Variants in NIM1K observed in about 807,000 individuals in gnomAD.
NIM1K encodes serine/threonine-protein kinase NIM1.
NIM1K carries 35 observed loss-of-function variants against 37.1 expected under a neutral mutation model. The ratio of observed to expected loss-of-function variants is 0.94; its 90% confidence interval spans 0.72 to 1.25. NIM1K has a LOEUF of 1.25. Among genes scored for constraint, NIM1K ranks in the 50% most tolerant of loss-of-function variants. The pLI, the probability that NIM1K is intolerant of heterozygous loss-of-function variation, is 0.00. For synonymous variants in NIM1K, 234 were observed against 206.6 expected (o/e 1.13, Z -1.14); for missense variants, 564 against 548.0 (o/e 1.03, Z -0.29).
At chr5:43,222,698 T>C (rs1309757016) in intron 1 of NIM1K, among the ~76,000 whole-genome samples, 1 of 151,486 alleles carries the variant, frequency 6.6e-6, no homozygotes, top group East Asian at 1.9e-4. Context: ...CTTGCTACTG[T>C]ACTCCAACCT....
At chr5:43,217,040 CAG>C (rs35186415) in intron 1 of NIM1K, among the ~76,000 whole-genome samples, 6,592 of 152,224 alleles carry the variant, frequency 0.043, 170 homozygotes, top group Middle Eastern at 0.092. Flanking sequence ...TTTACATATT[CAG>C]AGAGTTGTGC....
Position 43,245,808 on chromosome 5 carries a change from G to C in NIM1K, c.33G>C (p.Leu11=), listed in dbSNP as rs769926178. MTAVYMNGGG[L]VNPHYARWDR... is the part of the protein sequence containing the mutation. ...CAGTGTATATGAATGGAGGTGGCCT[G>C]GTGAACCCCCACTATGCCCGGTGGG... The change falls in exon 2 of 4, where the codon CTG becomes CTC. Residue 11 remains leucine (L), a synonymous_variant. Transcript: ENST00000326035. The C allele has an allele frequency of 3.1e-6, 5 of 1,611,170 alleles. No individual in the cohort carries two copies. The highest frequency in any genetic ancestry group is 4.2e-6 in the Non-Finnish European group (5 of 1,178,180).
chr5:43,269,262 A>C (rs1307247250), intron 2 of NIM1K, among the ~76,000 whole-genome samples: 1 of 127,370 alleles, frequency 7.9e-6, no homozygotes, highest in Non-Finnish European at 1.6e-5. Context: ...GTGAGCCAAG[A>C]TTGCGCCTTG....
chr5:43,276,892 A>G (rs1223638970), intron 2 of NIM1K, among the ~76,000 whole-genome samples, 165 bp from the exon 3 acceptor site: 1 of 152,206 alleles, frequency 6.6e-6, no homozygotes, highest in Non-Finnish European at 1.5e-5. Flanking sequence ...AGGGAAGGGC[A>G]CTGATGCTGG....
chr5:43,225,364 G>C (rs187383551), intron 1 of NIM1K: 8 of 148,248 alleles, frequency 5.4e-5, no homozygotes, highest in African/African-American at 2.0e-4. Context: ...ACAATTAAAA[G>C]GACTTGCATT....
intron 1 of NIM1K, among the ~76,000 whole-genome samples, chr5:43,221,876 C>T (rs745928484): frequency 6.6e-6 from 1 of 152,208 alleles, no homozygotes; most frequent in Admixed American, 6.5e-5. Context: ...TAATCTTAAC[C>T]GATACAAGTA....
chr5:43,264,137 C>G (rs1753082295), intron 2 of NIM1K, among the ~76,000 whole-genome samples: 1 of 152,192 alleles, frequency 6.6e-6, no homozygotes, highest in Non-Finnish European at 1.5e-5. Context: ...TCTGTTAGGT[C>G]TGCGTGGTGC....
At chr5:43,269,312 AAAAAAAAG>A (rs1324332909) in intron 2 of NIM1K, among the ~76,000 whole-genome samples, 4 of 147,068 alleles carry the variant, frequency 2.7e-5, no homozygotes, top group African/African-American at 5.2e-5. Flanking sequence ...TCATCTCAAA[AAAAAAAAG>A]AAAAAAAAAA....
intron 1 of NIM1K, among the ~76,000 whole-genome samples, chr5:43,242,584 C>T (rs1752718833): frequency 6.6e-6 from 1 of 151,828 alleles, no homozygotes; most frequent in Non-Finnish European, 1.5e-5. Flanking sequence ...GAGCCCAAAT[C>T]TTAAAAATGT....
chr5:43,207,651 C>T (rs1246648348), intron 1 of NIM1K: 9 of 593,498 alleles, frequency 1.5e-5, no homozygotes, highest in African/African-American at 1.1e-4. Context: ...GTCAATCTGA[C>T]GGAAGCGCTG....
chr5:43,265,862 C>T (rs558627698), intron 2 of NIM1K, among the ~76,000 whole-genome samples: 1 of 152,344 alleles, frequency 6.6e-6, no homozygotes, highest in East Asian at 1.9e-4. Flanking sequence ...CCCTCAGCTG[C>T]AGGTCTGTTG....
At chr5:43,232,077 A>G in intron 1 of NIM1K, 1 of 1,026,148 alleles carries the variant, frequency 9.7e-7, no homozygotes, top group African/African-American at 1.6e-5. Flanking sequence ...GGTCTCCACC[A>G]GTCACCACAG....
chr5:43,264,897 T>A (rs1409631312), intron 2 of NIM1K, among the ~76,000 whole-genome samples: 1 of 152,232 alleles, frequency 6.6e-6, no homozygotes, highest in Non-Finnish European at 1.5e-5. Context: ...TGACTGGCTA[T>A]GGAATTCTGG....
chr5:43,248,915 C>T (rs1046871472), intron 2 of NIM1K, among the ~76,000 whole-genome samples: 2 of 151,676 alleles, frequency 1.3e-5, no homozygotes, highest in African/African-American at 4.8e-5. Context: ...CACCTTGTCA[C>T]CGAGGCTGGA....
At chr5:43,193,592 G>C (rs894322763) in intron 1 of NIM1K, 1 of 151,808 alleles carries the variant, frequency 6.6e-6, no homozygotes, top group African/African-American at 2.4e-5. Flanking sequence ...GAATCCAAAA[G>C]GGAAACAAAC....
intron 2 of NIM1K, among the ~76,000 whole-genome samples, chr5:43,271,285 C>A (rs565763199): frequency 1.3e-5 from 2 of 152,178 alleles, no homozygotes; most frequent in East Asian, 3.9e-4. Flanking sequence ...CGTATGCCAG[C>A]CCTACTTTCT....
chr5:43,204,775 G>A (rs1752084676), intron 1 of NIM1K, among the ~76,000 whole-genome samples: 1 of 151,816 alleles, frequency 6.6e-6, no homozygotes, highest in Non-Finnish European at 1.5e-5. Flanking sequence ...GGGAGGCTGA[G>A]GCGGGTGGAT....
intron 2 of NIM1K, among the ~76,000 whole-genome samples, chr5:43,268,057 C>A (rs148705405): frequency 2.0e-5 from 3 of 152,136 alleles, no homozygotes; most frequent in African/African-American, 7.2e-5. Context: ...GTTGAAGTAT[C>A]CCACTATTAT....
intron 1 of NIM1K, among the ~76,000 whole-genome samples, chr5:43,194,342 G>T (rs1055852320): frequency 6.6e-6 from 1 of 152,200 alleles, no homozygotes; most frequent in African/African-American, 2.4e-5. Context: ...AATTTGCCTA[G>T]TAAACCCTCA....
Sources: gnomAD v4.1 joint callset for allele counts (sites outside exome capture counted in the v4.1 genomes callset) on GRCh38, gnomAD v4.1.1 for gene constraint, MANE v1.5 for transcripts, NCBI Gene and HGNC (gene_info 2026-07-23, HGNC 2026-07-21) for gene names.